RASGRF1: variants seen among roughly 807,000 people sequenced by gnomAD.
RASGRF1 encodes Ras protein specific guanine nucleotide releasing factor 1.
In RASGRF1, 40 loss-of-function variants were observed where a neutral mutation model predicts 138.7. The observed-to-expected ratio is 0.29, with a 90% CI of 0.22 to 0.38. The LOEUF (loss-of-function observed/expected upper bound fraction) is 0.38, where lower values mean the gene tolerates loss of function less well. RASGRF1 is among the 10% of genes least tolerant of loss of function. The pLI is 1.00. For synonymous variants in RASGRF1, 614 were observed against 663.2 expected, an observed-to-expected ratio of 0.93 and a Z score of 1.14; for missense variants, 1,108 against 1,650.4, an observed-to-expected ratio of 0.67 and a Z score of 5.69.
chr15:78,980,569 A>G (rs776423126), intron 24 of RASGRF1, 51 bp downstream of exon 24: 3 of 1,465,572 alleles, frequency 2.0e-6, no homozygotes, highest in South Asian at 2.3e-5. Context: ...TGCCTCTGCA[A>G]TGCAGGTCTA....
chr15:79,026,149 C>T (rs569686191), intron 9 of RASGRF1, among the ~76,000 whole-genome samples: 1 of 152,294 alleles, frequency 6.6e-6, no homozygotes, highest in East Asian at 1.9e-4. Context: ...CAGGCCCCCT[C>T]CCCACTGAGG....
At chr15:79,012,049 C>T (rs889416124) in intron 13 of RASGRF1, among the ~76,000 whole-genome samples, 4 of 152,074 alleles carry the variant, frequency 2.6e-5, no homozygotes, top group African/African-American at 9.7e-5. Context: ...ACATTAGATG[C>T]CGTAATGAAG....
Position 79,006,101 on chromosome 15 carries a change from T to G in RASGRF1, c.2075+85A>C. On this transcript the variant is annotated intron_variant, in intron 14 of 26. Coordinates refer to ENST00000558480, the MANE Select transcript of RASGRF1 (RefSeq NM_001145648.3). The surrounding 1 kb of genome is among the most constrained non-coding windows in gnomAD (Gnocchi z 4.0). The stretch of plus-strand genomic sequence containing the variant: ...GCTGCTCCTCCAGGGACCTTCCAGG[T>G]CACCCCCCGGCCCCGTGCAAGCTCA... 6.4e-7 allele frequency: 1 copy of G among 1,567,918 alleles called. No homozygotes were observed. The highest frequency in any genetic ancestry group is 8.7e-7 in the Non-Finnish European group (1 of 1,151,332).
In RASGRF1 at chr15:78,973,248, T is replaced by TG; in HGVS notation, c.3612+54dup. 1 of 1,405,330 alleles carries TG rather than the reference T, an allele frequency of 7.1e-7. No individual in the cohort carries two copies. The highest frequency in any genetic ancestry group is 9.9e-7 in the Non-Finnish European group (1 of 1,012,616). 87.1% of individuals were successfully genotyped at this position (1,405,330 alleles called of 1,614,324 possible). On this transcript the variant is annotated intron_variant, in intron 25 of 26. Coordinates refer to ENST00000558480, the MANE Select transcript of RASGRF1 (RefSeq NM_001145648.3). This position sits in a 1 kb window ranked among gnomAD's most constrained non-coding sequence, Gnocchi z 4.9. ...GGCAGAGTGTGGGTGGGCCCCAGGT[T>TG]GAGTCATCTGGGCTTCAACGCCCCC...
chr15:79,072,566 C>T (rs796498187), intron 1 of RASGRF1, among the ~76,000 whole-genome samples: 45 of 152,238 alleles, frequency 3.0e-4, no homozygotes, highest in Admixed American at 1.8e-3. Context: ...TGAGCCACCG[C>T]GCCCGGCCAA....
intron 1 of RASGRF1, among the ~76,000 whole-genome samples, chr15:79,079,721 T>C (rs1256466105): frequency 1.3e-5 from 2 of 152,246 alleles, no homozygotes; most frequent in Non-Finnish European, 2.9e-5. Flanking sequence ...AACAGAGTCA[T>C]TGAAGGAGCA....
intron 24 of RASGRF1, among the ~76,000 whole-genome samples, chr15:78,978,215 CTTTTGTTTTTTTTT>C (rs1357446092): frequency 3.8e-5 from 3 of 79,344 alleles, no homozygotes; most frequent in African/African-American, 1.5e-4. Flanking sequence ...TTTTTCTTTT[CTTTTGTTTTTTTTT>C]TTTTTTTTTT....
chr15:79,031,274 T>G, intron 8 of RASGRF1, 126 bp downstream of exon 8: 1 of 743,330 alleles, frequency 1.3e-6, no homozygotes. Context: ...TGTGGCAAGC[T>G]GTGCCCCTCC....
chr15:79,028,690 G>A (rs1030736585), intron 8 of RASGRF1, among the ~76,000 whole-genome samples: 1 of 152,090 alleles, frequency 6.6e-6, no homozygotes, highest in African/African-American at 2.4e-5. Flanking sequence ...GTGGGGAAGG[G>A]GGGCTTCTGG....
chr15:79,003,464 T>C (rs2056585851), intron 15 of RASGRF1, among the ~76,000 whole-genome samples: 2 of 152,220 alleles, frequency 1.3e-5, no homozygotes, highest in South Asian at 4.1e-4. Flanking sequence ...GGCCCTGTCC[T>C]CTGCAGACAT....
chr15:79,046,741 C>T lies in RASGRF1; in HGVS notation c.878+5G>A. The T allele has an allele frequency of 3.1e-6, 5 of 1,614,132 alleles. No individual in the cohort carries two copies. The highest frequency in any genetic ancestry group is 4.2e-6 in the Non-Finnish European group (5 of 1,179,966). Reference sequence around the variant, plus strand: ...CTGCCTTGGCCAACCTTTAGGGGTGCTCACCTGTTCAGGAAGATGCTGCTG... The same window carrying T: ...CTGCCTTGGCCAACCTTTAGGGGTGTTCACCTGTTCAGGAAGATGCTGCTG... On this transcript the variant is annotated splice_donor_5th_base_variant and intron_variant, in intron 5 of 26. Coordinates refer to ENST00000558480, the MANE Select transcript of RASGRF1 (RefSeq NM_001145648.3). This position sits in a 1 kb window ranked among gnomAD's most constrained non-coding sequence, Gnocchi z 5.3.
chr15:79,027,803 T>C lies in RASGRF1; in HGVS notation c.1319A>G (p.Glu440Gly). 1 of 1,614,230 alleles carries C rather than the reference T, an allele frequency of 6.2e-7. No individual in the cohort carries two copies. Among genetic ancestry groups the C allele is most frequent in the Non-Finnish European group, 8.5e-7 (1 of 1,180,048 alleles). Residue 440 changes from glutamate to glycine, a missense_variant, in exon 9 of 27, where the codon GAG becomes GGG. Transcript: ENST00000558480. This position sits in a 1 kb window ranked among gnomAD's most constrained non-coding sequence, Gnocchi z 4.8. The part of the protein sequence containing the change: ...TENIRKNLAI[E>G]RMIIEGCEIL... ...CTCACAGCCTTCGATGATCATGCGC[T>C]CGATGGCCAGGTTTTTCCGGATGTT...
At chr15:79,011,081 C>T (rs1441168408) in intron 13 of RASGRF1, among the ~76,000 whole-genome samples, 16 of 152,118 alleles carry the variant, frequency 1.1e-4, no homozygotes, top group Admixed American at 9.8e-4. Flanking sequence ...CACCCCTGCA[C>T]CTTTCTCCAG....
chr15:79,054,887 G>C (rs1175731369), intron 3 of RASGRF1, among the ~76,000 whole-genome samples: 4 of 152,226 alleles, frequency 2.6e-5, no homozygotes, highest in African/African-American at 7.2e-5. Flanking sequence ...TTGAAAGCAA[G>C]AGGTGGCCAG....
chr15:79,090,280 G>A lies in RASGRF1; in HGVS notation c.219C>T (p.Cys73=). 1 of 1,612,192 alleles carries A rather than the reference G, an allele frequency of 6.2e-7. No individual in the cohort carries two copies. Among genetic ancestry groups the A allele is most frequent in the Non-Finnish European group, 8.5e-7 (1 of 1,179,668 alleles). Residue 73 remains cysteine (C), a synonymous_variant, in exon 1 of 27, where the codon TGC becomes TGT. Coordinates refer to ENST00000558480, the MANE Select transcript of RASGRF1 (RefSeq NM_001145648.3). The part of the protein sequence containing the change: ...SGLYLLEGCV[C]DRAPSPKPAL... ...CCGGCTTGGGGGAGGGCGCGCGGTC[G>A]CAGACGCAGCCCTCCAGCAGGTAAA...
intron 1 of RASGRF1, among the ~76,000 whole-genome samples, chr15:79,088,937 GA>G (rs2058017109): frequency 6.6e-6 from 1 of 152,218 alleles, no homozygotes; most frequent in African/African-American, 2.4e-5. Flanking sequence ...CCAGTCCTCA[GA>G]AACTATCTCC....
At position 79,003,937 on chromosome 15, in the gene RASGRF1, C is replaced by T; in HGVS notation, c.2314G>A (p.Ala772Thr). ...GTGGCCTTGCTGAAGGGTGACATGGCCGAGTACATGCTGGTGTAGCCATTG... is the reference window on the plus strand; with the variant it reads ...GTGGCCTTGCTGAAGGGTGACATGGTCGAGTACATGCTGGTGTAGCCATTG... ...NSNGYTSMYS[A>T]MSPFSKATLD... The change falls in exon 15 of 27, where the codon GCC (alanine) becomes ACC (threonine). Residue 772 changes from alanine (A) to threonine (T), a missense_variant. Physicochemically the swap from Ala to Thr is moderately conservative, Grantham distance 58. Coordinates refer to ENST00000558480, the MANE Select transcript of RASGRF1 (RefSeq NM_001145648.3). The T allele has an allele frequency of 6.2e-7, 1 of 1,614,190 alleles. No homozygotes were observed. Among genetic ancestry groups the T allele is most frequent in the Non-Finnish European group, 8.5e-7 (1 of 1,180,024 alleles).
rs762563558 is a variant in RASGRF1 at position 79,035,134 on chromosome 15, G to A, written c.955C>T (p.Leu319=). 1.9e-6 allele frequency: 3 copies of A among 1,612,222 alleles called. No individual in the cohort carries two copies. Among genetic ancestry groups the A allele is most frequent in the Non-Finnish European group, 2.5e-6 (3 of 1,178,494 alleles). Residue 319 remains leucine, a synonymous_variant, in exon 6 of 27, where the codon CTG becomes TTG. Coordinates refer to ENST00000558480, the MANE Select transcript of RASGRF1 (RefSeq NM_001145648.3). ...ARISSWPTLV[L]ADLFDILLPM... ...GCAGTGAGGGCTGACTACTCACCCA[G>A]GACCAGCGTGGGCCAGCTGGAGATG...
intron 11 of RASGRF1, 27 bp downstream of exon 11, chr15:79,020,014 A>ATGC: frequency 1.2e-6 from 2 of 1,612,726 alleles, no homozygotes; most frequent in South Asian, 2.2e-5. Context: ...AAGCACACAC[A>ATGC]TGCGCACATG....
Sources: gnomAD v4.1 joint callset for allele counts (sites outside exome capture counted in the v4.1 genomes callset) on GRCh38, gnomAD v4.1.1 for gene constraint, Gnocchi (gnomAD v3.1) non-coding constraint, MANE v1.5 for transcripts, NCBI Gene and HGNC (gene_info 2026-07-23, HGNC 2026-07-21) for gene names.